TBC1D5: variants seen among roughly 807,000 people sequenced by gnomAD.
TBC1D5 encodes the protein TBC1 domain family member 5, also known as TBC1 domain family, member 5.
A neutral mutation model predicts 100.3 loss-of-function variants in TBC1D5; 75 were observed. The observed-to-expected ratio is 0.75, with a 90% CI of 0.62 to 0.91. The LOEUF (loss-of-function observed/expected upper bound fraction) is 0.91. Ranked by LOEUF, TBC1D5 falls within the 40% of genes least tolerant of loss-of-function variation. TBC1D5 has a pLI of 0.00. For missense variants in TBC1D5, 910 were observed against 942.4 expected (o/e 0.97, Z 0.45); for synonymous variants, 323 against 325.6 (o/e 0.99, Z 0.09).
At chr3:17,704,470 G>A (rs1379808544) in intron 1 of TBC1D5, among the ~76,000 whole-genome samples, 2 of 145,022 alleles carry the variant, frequency 1.4e-5, no homozygotes, top group Non-Finnish European at 1.5e-5. Flanking sequence ...GCCGGGCAGA[G>A]GGGCTCCTCA....
At chr3:17,374,892 C>T (rs929405100) in intron 10 of TBC1D5, among the ~76,000 whole-genome samples, 4 of 152,054 alleles carry the variant, frequency 2.6e-5, no homozygotes, top group Non-Finnish European at 2.9e-5. Flanking sequence ...TGCCTCTATG[C>T]GACATGAACT....
In TBC1D5 at chr3:17,591,233, C is replaced by CAAAAAAAAAAAAAAAAAA. The variant is rs60889092; in HGVS notation, c.-36+32598_-36+32615dup. On this transcript the variant is annotated intron_variant, in intron 2 of 21. Coordinates refer to ENST00000253692, the Ensembl canonical transcript of TBC1D5. ...ACTGGGCTACAAAGAAAGGATCTGT[C>CAAAAAAAAAAAAAAAAAA]AAAAAAAAAAAAAAAAAAAAAAAAA... 1.1e-3 allele frequency among the ~76,000 whole-genome samples: 21 copies of CAAAAAAAAAAAAAAAAAA among 18,660 alleles called. 5 individuals are homozygous for CAAAAAAAAAAAAAAAAAA. Among genetic ancestry groups the CAAAAAAAAAAAAAAAAAA allele is most frequent in the South Asian group, 2.3e-3 (1 of 440 alleles). 12.2% of individuals were successfully genotyped at this position (18,660 alleles called of 152,430 possible). A position where few individuals can be genotyped will look rare whatever the true frequency, so the allele number is the denominator to read the frequency against.
intron 17 of TBC1D5, among the ~76,000 whole-genome samples, chr3:17,220,158 T>C (rs971128947): frequency 2.0e-5 from 3 of 152,186 alleles, no homozygotes; most frequent in African/African-American, 7.2e-5. Flanking sequence ...TGGCTATTTC[T>C]CTACAAGGTA....
chr3:17,638,240 G>C (rs769234085), intron 1 of TBC1D5, among the ~76,000 whole-genome samples: 1 of 152,020 alleles, frequency 6.6e-6, no homozygotes, highest in Non-Finnish European at 1.5e-5. Context: ...AGTTGTGTAA[G>C]CATAACCACA....
intron 21 of TBC1D5, among the ~76,000 whole-genome samples, chr3:17,161,687 T>C (rs2125011145): frequency 6.6e-6 from 1 of 152,368 alleles, no homozygotes; most frequent in East Asian, 1.9e-4. Flanking sequence ...AAAGACAGTG[T>C]CTTCCTCCTA....
intron 8 of TBC1D5, among the ~76,000 whole-genome samples, chr3:17,387,920 TAAAAC>T (rs1350847178): frequency 6.6e-6 from 1 of 151,418 alleles, no homozygotes; most frequent in Non-Finnish European, 1.5e-5. Context: ...GGTAGGAAAA[TAAAAC>T]AGAAAGGAAA....
intron 13 of TBC1D5, among the ~76,000 whole-genome samples, chr3:17,336,716 A>C (rs1163430371): frequency 6.6e-6 from 1 of 152,094 alleles, no homozygotes; most frequent in Admixed American, 6.6e-5. Flanking sequence ...CACTGAAAAA[A>C]AAAAAGATAA....
At chr3:17,266,124 T>C (rs139046777) in intron 15 of TBC1D5, among the ~76,000 whole-genome samples, 1 of 152,300 alleles carries the variant, frequency 6.6e-6, no homozygotes, top group East Asian at 1.9e-4. Flanking sequence ...TCTTTTCTTT[T>C]GCCTGTAATT....
At chr3:17,403,742 A>T (rs1303826111) in intron 7 of TBC1D5, among the ~76,000 whole-genome samples, 3 of 152,168 alleles carry the variant, frequency 2.0e-5, no homozygotes, top group Non-Finnish European at 4.4e-5. Flanking sequence ...TGCAGATTGT[A>T]GTGCCCATGA....
intron 17 of TBC1D5, among the ~76,000 whole-genome samples, chr3:17,214,953 G>A (rs532714158): frequency 5.7e-4 from 87 of 152,150 alleles, no homozygotes; most frequent in Non-Finnish European, 1.1e-3. Flanking sequence ...CAGGATCTTC[G>A]GTGTTCAAGG....
rs1199044608 is a variant in TBC1D5 at position 17,609,713 on chromosome 3, A to G, written c.-36+14136T>C. On this transcript the variant is annotated intron_variant, in intron 2 of 21. Coordinates refer to ENST00000253692, the Ensembl canonical transcript of TBC1D5. The stretch of plus-strand genomic sequence containing the variant: ...CTATAGTTCTGGCCTGGATCCCAAG[A>G]CCCATACCACAGCTGGCAAGGACAC... Among the ~76,000 whole-genome samples the G allele has an allele frequency of 2.0e-5, 3 of 152,230 alleles. No homozygotes were observed. In the East Asian group the frequency reaches 5.8e-4, roughly 29 times the overall value.
At chr3:17,416,803 A>C (rs533761970) in intron 4 of TBC1D5, among the ~76,000 whole-genome samples, 17 of 152,176 alleles carry the variant, frequency 1.1e-4, no homozygotes, top group Non-Finnish European at 7.3e-5. Context: ...TAGAAAGGCA[A>C]ATCTTTAGTG....
chr3:17,665,887 T>A (rs1297481825), intron 1 of TBC1D5, among the ~76,000 whole-genome samples: 1 of 152,174 alleles, frequency 6.6e-6, no homozygotes, highest in Non-Finnish European at 1.5e-5. Context: ...CATTTTATTT[T>A]AATATAGAGG....
chr3:17,263,008 C>T (rs1374512960), intron 15 of TBC1D5, among the ~76,000 whole-genome samples: 1 of 151,790 alleles, frequency 6.6e-6, no homozygotes, highest in Non-Finnish European at 1.5e-5. Flanking sequence ...AGGAGGATCG[C>T]TTGAGGCCAG....
chr3:17,309,097 A>G (rs1219262879), intron 13 of TBC1D5, among the ~76,000 whole-genome samples: 1 of 151,788 alleles, frequency 6.6e-6, no homozygotes, highest in Non-Finnish European at 1.5e-5. Context: ...GCACCATCAA[A>G]TAGTATAGAA....
intron 1 of TBC1D5, among the ~76,000 whole-genome samples, chr3:17,631,655 A>G (rs994177865): frequency 6.6e-6 from 1 of 152,182 alleles, no homozygotes; most frequent in Admixed American, 6.5e-5. Context: ...TTTAAAGCCA[A>G]TGTTCATTGA....
At chr3:17,659,032 A>G (rs2066392751) in intron 1 of TBC1D5, among the ~76,000 whole-genome samples, 1 of 152,322 alleles carries the variant, frequency 6.6e-6, no homozygotes, top group East Asian at 1.9e-4. Flanking sequence ...AGCAAGATTC[A>G]GATTCCCCAT....
At chr3:17,164,284 C>A (rs2066378159) in intron 21 of TBC1D5, among the ~76,000 whole-genome samples, 1 of 152,236 alleles carries the variant, frequency 6.6e-6, no homozygotes, top group Admixed American at 6.5e-5. Flanking sequence ...AGCCATGTGT[C>A]ACTAGGCAGG....
At chr3:17,404,873 A>G (rs2093729990) in exon 6 of TBC1D5, 1 of 1,574,032 alleles carries the variant, frequency 6.4e-7, no homozygotes, top group Non-Finnish European at 8.7e-7. Context: ...TTTACTTACT[A>G]TTTCTTTAAT....
Sources: allele counts gnomAD v4.1 joint callset (sites outside exome capture counted in the v4.1 genomes callset), GRCh38; gene constraint gnomAD v4.1.1; transcripts MANE v1.5; gene names NCBI Gene and HGNC (gene_info 2026-07-23, HGNC 2026-07-21).